ARMC8: variants seen among roughly 807,000 people sequenced by gnomAD.
ARMC8 encodes armadillo repeat-containing protein 8.
ARMC8 carries 20 observed loss-of-function variants against 99.3 expected under a neutral mutation model. The observed-to-expected ratio is 0.20, with a 90% CI of 0.14 to 0.29. The LOEUF is 0.29. ARMC8 is among the 10% of genes least tolerant of loss of function. The probability of loss-of-function intolerance (pLI) is 1.00; values close to 1 mark genes in which losing one functional copy is unlikely to be tolerated. For missense variants in ARMC8, 569 were observed against 809.5 expected (o/e 0.70, Z 3.60); for synonymous variants, 263 against 278.3 (o/e 0.95, Z 0.55).
At chr3:138,245,377 G>T in intron 12 of ARMC8, 194 bp downstream of exon 12, 1 of 1,421,490 alleles carries the variant, frequency 7.0e-7, no homozygotes, top group Non-Finnish European at 9.2e-7. Flanking sequence ...AACATAGAGT[G>T]GCATGGCCGT....
chr3:138,205,274 C>G (rs1256001560), intron 1 of ARMC8, among the ~76,000 whole-genome samples: 1 of 151,732 alleles, frequency 6.6e-6, no homozygotes, highest in African/African-American at 2.4e-5. Context: ...TGGTCTCGAT[C>G]TCCTGACCTC....
chr3:138,284,381 C>T, intron 18 of ARMC8, 50 bp from the exon 19 acceptor site: 1 of 1,448,182 alleles, frequency 6.9e-7, no homozygotes, highest in Middle Eastern at 1.7e-4. Flanking sequence ...GACAGCTTGA[C>T]TCTGGGACTT....
At position 138,218,014 on chromosome 3, in the gene ARMC8, GGATT is replaced by G. The variant is rs1372977537; in HGVS notation, c.123-3907_123-3904del. On this transcript the variant is annotated intron_variant, in intron 2 of 21. Coordinates refer to ENST00000469044, the MANE Select transcript of ARMC8 (RefSeq NM_001363941.2). ...GTTTTGTATAACCAGATACCTAGATGGATTGATTAAGTCCTTCAACAAATATTTA... is the reference window on the plus strand; with the variant it reads ...GTTTTGTATAACCAGATACCTAGATGGATTAAGTCCTTCAACAAATATTTA... Among the ~76,000 whole-genome samples the G allele has an allele frequency of 5.3e-5, 8 of 152,270 alleles. 1 individual carries two copies. Among genetic ancestry groups the G allele is most frequent in the Admixed American group, 4.6e-4 (7 of 15,296 alleles).
At chr3:138,250,874 T>C (rs2047090656) in intron 12 of ARMC8, among the ~76,000 whole-genome samples, 1 of 152,144 alleles carries the variant, frequency 6.6e-6, no homozygotes, top group South Asian at 2.1e-4. Context: ...TGGCTGGGCA[T>C]GGTGGCTCAC....
At position 138,269,621 on chromosome 3, in the gene ARMC8, A is replaced by AT. The variant is rs544418547; in HGVS notation, c.1387-418dup. Among the ~76,000 whole-genome samples the AT allele has an allele frequency of 3.3e-5, 5 of 152,266 alleles. No homozygotes were observed. In the East Asian group the frequency reaches 9.6e-4, roughly 29 times the overall value. On this transcript the variant is annotated intron_variant, in intron 15 of 21. Coordinates refer to ENST00000469044, the MANE Select transcript of ARMC8 (RefSeq NM_001363941.2). The stretch of plus-strand genomic sequence containing the variant: ...TTTCCTTTACCAACCATATTACTTC[A>AT]TAGAGTTCGTAAGCAATGCACAAGA...
Position 138,272,987 on chromosome 3 carries a change from A to G in ARMC8, c.1500A>G (p.Glu500=), listed in dbSNP as rs1315294714. 3.1e-6 allele frequency: 5 copies of G among 1,605,194 alleles called. No homozygotes were observed. The highest frequency in any genetic ancestry group is 1.3e-5 in the African/African-American group (1 of 74,620). The stretch of plus-strand genomic sequence containing the variant: ...TTCAGAATATGGCATTTCAGGCTGA[A>G]CAAAAAATAAAAGCAGATATTTTAC... ...WALMNMAFQA[E]QKIKADILRS... is the part of the protein sequence containing the mutation. The change falls in exon 17 of 22, where the codon GAA becomes GAG. Residue 500 remains glutamate (E), a synonymous_variant. Transcript: ENST00000469044.
chr3:138,257,972 G>A (rs1468596938), intron 12 of ARMC8, among the ~76,000 whole-genome samples: 1 of 152,124 alleles, frequency 6.6e-6, no homozygotes, highest in Non-Finnish European at 1.5e-5. Context: ...GATTTTCAGA[G>A]TTTAATTCCA....
intron 18 of ARMC8, among the ~76,000 whole-genome samples, chr3:138,279,110 A>T: frequency 6.6e-6 from 1 of 152,204 alleles, no homozygotes; most frequent in East Asian, 1.9e-4. Flanking sequence ...AGAGAAAAGC[A>T]CTCAGTCTTT....
intron 1 of ARMC8, among the ~76,000 whole-genome samples, chr3:138,209,454 A>G (rs2044573238): frequency 6.6e-6 from 1 of 152,184 alleles, no homozygotes; most frequent in African/African-American, 2.4e-5. Flanking sequence ...ATTCTTCTGA[A>G]TGAACAAAGT....
intron 12 of ARMC8, chr3:138,262,379 C>T (rs1576823457): frequency 2.5e-6 from 2 of 803,334 alleles, no homozygotes; most frequent in South Asian, 2.1e-5. Flanking sequence ...ATTACCATTC[C>T]TAATCTACAG....
intron 12 of ARMC8, among the ~76,000 whole-genome samples, chr3:138,252,265 G>A (rs749995213): frequency 1.4e-4 from 22 of 152,072 alleles, no homozygotes; most frequent in East Asian, 9.6e-4. Context: ...GTTTATGTCC[G>A]TAAAGTTATA....
intron 1 of ARMC8, among the ~76,000 whole-genome samples, chr3:138,193,185 T>G (rs936663989): frequency 9.2e-5 from 14 of 152,016 alleles, no homozygotes; most frequent in African/African-American, 3.4e-4. Flanking sequence ...GTCAGACTGG[T>G]CTCAAACTCC....
chr3:138,252,851 CAG>C (rs897996218), intron 12 of ARMC8, among the ~76,000 whole-genome samples: 4 of 149,190 alleles, frequency 2.7e-5, no homozygotes, highest in Admixed American at 6.9e-5. Context: ...TAGAAAGAAA[CAG>C]GGCCCTGACC....
In ARMC8 at chr3:138,215,467, C is replaced by T. The variant is rs190357129; in HGVS notation, c.122+5574C>T. The stretch of plus-strand genomic sequence containing the variant: ...TCCTGATCTCGTGATCCACCCGCCT[C>T]GGCCTCCCAAAGTGCTGGGATTACA... On this transcript the variant is annotated intron_variant, in intron 2 of 21. Coordinates refer to ENST00000469044, the MANE Select transcript of ARMC8 (RefSeq NM_001363941.2). Among the ~76,000 whole-genome samples the T allele has an allele frequency of 6.6e-5, 10 of 152,280 alleles. No individual in the cohort carries two copies. In the East Asian group the frequency reaches 1.7e-3, roughly 26 times the overall value.
intron 1 of ARMC8, 122 bp from the exon 2 acceptor site, chr3:138,209,695 C>A (rs2044587610): frequency 2.6e-6 from 2 of 762,414 alleles, no homozygotes. Context: ...CTAAGTATTT[C>A]ATATAAATTT....
At chr3:138,253,590 A>G (rs2047242874) in intron 12 of ARMC8, among the ~76,000 whole-genome samples, 1 of 152,230 alleles carries the variant, frequency 6.6e-6, no homozygotes, top group Admixed American at 6.5e-5. Context: ...AGAACTTGGT[A>G]TATAGCTTAA....
Position 138,267,163 on chromosome 3 carries a change from A to C in ARMC8, c.1308A>C (p.Gln436His). 6.4e-7 allele frequency: 1 copy of C among 1,559,912 alleles called. No homozygotes were observed. The highest frequency in any genetic ancestry group is 8.7e-7 in the Non-Finnish European group (1 of 1,148,088). The change falls in exon 15 of 22, where the codon CAA (glutamine) becomes CAC (histidine). Residue 436 changes from glutamine to histidine, a missense_variant. Physicochemically the swap from Gln to His is conservative, Grantham distance 24. This residue lies in a region of ARMC8 where 227 missense variants were observed against 417.9 expected (regional missense o/e 0.54). Coordinates refer to ENST00000469044, the MANE Select transcript of ARMC8 (RefSeq NM_001363941.2). ...AVWKPLMKVL[Q>H]NAPDEILVVA... Reference sequence around the variant, plus strand: ...CTTTTTTAATTCCATAGGTTTTACAAAATGCACCAGATGAAATCCTAGTGG... The same window carrying C: ...CTTTTTTAATTCCATAGGTTTTACACAATGCACCAGATGAAATCCTAGTGG...
intron 6 of ARMC8, among the ~76,000 whole-genome samples, chr3:138,233,671 T>G (rs2108135691): frequency 6.6e-6 from 1 of 152,340 alleles, no homozygotes; most frequent in African/African-American, 2.4e-5. Context: ...AATGCTAATT[T>G]CCCCACTTCA....
intron 16 of ARMC8, 89 bp from the exon 17 acceptor site, chr3:138,272,878 A>G: frequency 8.3e-7 from 1 of 1,207,806 alleles, no homozygotes; most frequent in Non-Finnish European, 1.1e-6. Context: ...TCTCAAAAAA[A>G]TAAAAAAAAA....
Sources: gnomAD v4.1 joint callset for allele counts (sites outside exome capture counted in the v4.1 genomes callset) on GRCh38, gnomAD v4.1.1 for gene constraint, gnomAD v4.1.1 regional missense constraint, MANE v1.5 for transcripts, NCBI Gene and HGNC (gene_info 2026-07-23, HGNC 2026-07-21) for gene names.